Variants in FAAH2 observed in about 807,000 individuals in gnomAD.
FAAH2 encodes the protein fatty acid amide hydrolase 2.
A neutral mutation model predicts 36.9 loss-of-function variants in FAAH2; 60 were observed. That is an observed-to-expected ratio of 1.63 (90% CI 1.32 to 2.02). The LOEUF (loss-of-function observed/expected upper bound fraction) is 2.02. Among genes scored for constraint, FAAH2 ranks in the 30% most tolerant of loss-of-function variants. The pLI, the probability that FAAH2 is intolerant of heterozygous loss-of-function variation, is 0.00. For synonymous variants in FAAH2, 214 were observed against 143.8 expected (o/e 1.49, Z -3.49); for missense variants, 689 against 397.5 (o/e 1.73, Z -6.23).
chrX:57,323,493 C>A (rs1236218476), intron 3 of FAAH2, among the ~76,000 whole-genome samples: 1 of 111,429 alleles, frequency 9.0e-6, no homozygotes, highest in Non-Finnish European at 1.9e-5. Context: ...TCTCCAGCAC[C>A]TGTTGTTCCT....
At chrX:57,449,870 T>C (rs150003147) in intron 10 of FAAH2, among the ~76,000 whole-genome samples, 1 of 111,657 alleles carries the variant, frequency 9.0e-6, no homozygotes, top group African/African-American at 3.2e-5. Flanking sequence ...TTCACCATGT[T>C]GGCCAGGCTG....
At chrX:57,461,283 C>G (rs1036994280) in intron 10 of FAAH2, among the ~76,000 whole-genome samples, 4 of 111,686 alleles carry the variant, frequency 3.6e-5, no homozygotes, top group African/African-American at 1.3e-4. Flanking sequence ...AGGACTTGAA[C>G]TCAGCTCTGA....
chrX:57,212,473 A>G, the FAAH2 span, among the ~76,000 whole-genome samples: 1 of 112,597 alleles, frequency 8.9e-6, no homozygotes, highest in South Asian at 3.6e-4. Flanking sequence ...AAAATAAAAA[A>G]TCAATTCAGG....
chrX:57,448,420 T>C (rs2056723782), intron 9 of FAAH2, 104 bp from the exon 10 acceptor site: 7 of 740,832 alleles, frequency 9.4e-6, no homozygotes, highest in Non-Finnish European at 1.3e-5. Flanking sequence ...ACTTTCTCAG[T>C]GTTCTATAAT....
At chrX:57,333,404 T>A (rs2053459501) in intron 4 of FAAH2, among the ~76,000 whole-genome samples, 1 of 111,334 alleles carries the variant, frequency 9.0e-6, no homozygotes, top group Non-Finnish European at 1.9e-5. Flanking sequence ...AAAATCACAG[T>A]TTGAAAAGAG....
the FAAH2 span, among the ~76,000 whole-genome samples, chrX:57,164,304 A>G: frequency 8.9e-6 from 1 of 112,333 alleles, no homozygotes; most frequent in Non-Finnish European, 1.9e-5. Context: ...TGGGCCTATT[A>G]TAAAATTCTT....
chrX:57,145,125 A>G, the FAAH2 span, among the ~76,000 whole-genome samples: 3 of 111,375 alleles, frequency 2.7e-5, no homozygotes, highest in African/African-American at 6.6e-5. Flanking sequence ...TCCCTAAGGA[A>G]TCTCCACACT....
Position 57,286,858 on chromosome X carries a change from G to T in FAAH2, c.33G>T (p.Leu11Phe), listed in dbSNP as rs1305591542. 2 of 1,191,838 alleles carry T rather than the reference G, an allele frequency of 1.7e-6. No individual in the cohort carries two copies. The highest frequency in any genetic ancestry group is 3.0e-5 in the East Asian group (1 of 33,166). The change falls in exon 1 of 11, where the codon TTG (leucine) becomes TTT (phenylalanine). Residue 11 changes from leucine to phenylalanine, a missense_variant. Coordinates refer to ENST00000374900, the MANE Select transcript of FAAH2 (RefSeq NM_174912.4). Reference sequence around the variant, plus strand: ...CTTCATTTACCGCCCGCATTCAGTTGTTCCTCTTGCGGGCGCTAGGCTTTC... The same window carrying T: ...CTTCATTTACCGCCCGCATTCAGTTTTTCCTCTTGCGGGCGCTAGGCTTTC... MAPSFTARIQLFLLRALGFLI... is the reference protein window; with the variant it reads MAPSFTARIQFFLLRALGFLI...
chrX:57,343,798 A>T (rs1467495883), intron 5 of FAAH2, among the ~76,000 whole-genome samples: 2 of 111,438 alleles, frequency 1.8e-5, no homozygotes, highest in African/African-American at 6.5e-5. Flanking sequence ...GCATATGGTG[A>T]AAGGTAGGGA....
At chrX:57,353,383 T>A (rs1303850957) in intron 5 of FAAH2, among the ~76,000 whole-genome samples, 1 of 107,581 alleles carries the variant, frequency 9.3e-6, no homozygotes, top group Admixed American at 1.0e-4. Flanking sequence ...CTGGGAAAAT[T>A]GGATAGTCAT....
intron 7 of FAAH2, among the ~76,000 whole-genome samples, chrX:57,419,420 T>C (rs2055944059): frequency 8.9e-6 from 1 of 112,048 alleles, no homozygotes; most frequent in South Asian, 3.7e-4. Flanking sequence ...CTAAGTGGTG[T>C]GAGATGATAT....
chrX:57,198,790 C>A, the FAAH2 span, among the ~76,000 whole-genome samples: 1 of 112,101 alleles, frequency 8.9e-6, no homozygotes, highest in Non-Finnish European at 1.9e-5. Flanking sequence ...TTTCCTGCTT[C>A]TTCTTCTACT....
At chrX:57,354,445 T>A (rs993443356) in intron 5 of FAAH2, among the ~76,000 whole-genome samples, 3 of 109,764 alleles carry the variant, frequency 2.7e-5, no homozygotes, top group Admixed American at 2.0e-4. Context: ...GCTGAGAGAG[T>A]GGAACACGAT....
intron 5 of FAAH2, among the ~76,000 whole-genome samples, chrX:57,350,764 A>T (rs2053979072): frequency 9.0e-6 from 1 of 111,397 alleles, no homozygotes; most frequent in Admixed American, 9.6e-5. Flanking sequence ...TGATTATATA[A>T]TGATAAAGAA....
At chrX:57,144,853 A>G in the FAAH2 span, among the ~76,000 whole-genome samples, 1 of 109,541 alleles carries the variant, frequency 9.1e-6, no homozygotes, top group African/African-American at 3.3e-5. Context: ...CCGTTAATTC[A>G]TTCCTTTTTA....
chrX:57,197,019 G>A, the FAAH2 span, among the ~76,000 whole-genome samples: 9 of 111,466 alleles, frequency 8.1e-5, no homozygotes, highest in Non-Finnish European at 1.5e-4. Context: ...TTATTCTTAG[G>A]TTTGGTCATT....
At position 57,393,634 on chromosome X, in the gene FAAH2, A is replaced by T. The variant is rs1430635404; in HGVS notation, c.996+12605A>T. The T allele has an allele frequency of 5.3e-6, 5 of 936,378 alleles. No homozygotes were observed. The Admixed American group carries it at 1.1e-4, about 21-fold the overall frequency. The allele number at this position is 936,378 out of a possible 1,213,427, so 77.2% of individuals were successfully genotyped here. A position where few individuals can be genotyped will look rare whatever the true frequency, so the allele number is the denominator to read the frequency against. On this transcript the variant is annotated intron_variant, in intron 7 of 10. Transcript: ENST00000374900. ...CTATCAATGCACCACTCACCCCCAGATCTTCAGCACTGACGGGGTCTCCTT... is the reference window on the plus strand; with the variant it reads ...CTATCAATGCACCACTCACCCCCAGTTCTTCAGCACTGACGGGGTCTCCTT...
the FAAH2 span, among the ~76,000 whole-genome samples, chrX:57,203,338 G>A: frequency 9.8e-5 from 11 of 112,421 alleles, no homozygotes; most frequent in East Asian, 2.2e-3. Context: ...ATTGTTTGTG[G>A]TTCAGGAACA....
intron 7 of FAAH2, among the ~76,000 whole-genome samples, chrX:57,396,728 A>T (rs1028708354): frequency 2.7e-5 from 3 of 111,812 alleles, no homozygotes; most frequent in African/African-American, 9.7e-5. Flanking sequence ...TTTCAAGTGT[A>T]TTGAGCCTTG....
Sources: gnomAD v4.1 joint callset for allele counts (sites outside exome capture counted in the v4.1 genomes callset) on GRCh38, gnomAD v4.1.1 for gene constraint, MANE v1.5 for transcripts, NCBI Gene and HGNC (gene_info 2026-07-23, HGNC 2026-07-21) for gene names.